The following DOCK4 variants were observed in gnomAD, a reference collection of about 807,000 sequenced individuals.
DOCK4 encodes dedicator of cytokinesis protein 4.
DOCK4 carries 97 observed loss-of-function variants against 268.1 expected under a neutral mutation model. The observed-to-expected ratio is 0.36, with a 90% CI of 0.31 to 0.43. The LOEUF is 0.43. Ranked by LOEUF, DOCK4 falls within the 20% of genes least tolerant of loss-of-function variation. DOCK4 has a pLI of 1.00. For synonymous variants in DOCK4, 954 were observed against 887.2 expected, an observed-to-expected ratio of 1.08 and a Z score of -1.34; for missense variants, 2,145 against 2,455.7, an observed-to-expected ratio of 0.87 and a Z score of 2.67.
chr7:112,165,549 TGTGTGTGTGTGC>T (rs1235002136), intron 1 of DOCK4, among the ~76,000 whole-genome samples: 1 of 113,900 alleles, frequency 8.8e-6, no homozygotes, highest in African/African-American at 3.6e-5. Flanking sequence ...TGTGTGTGTG[TGTGTGTGTGTGC>T]GTGTGTGTGT....
intron 1 of DOCK4, among the ~76,000 whole-genome samples, chr7:112,086,657 G>A (rs568426056): frequency 6.6e-5 from 10 of 152,170 alleles, no homozygotes; most frequent in Non-Finnish European, 1.2e-4. Context: ...GGTAACAGAG[G>A]CAATTTCCAA....
rs139773399 is a variant in DOCK4, at chr7:112,002,274, T to C, written c.122-1740A>G. Among the ~76,000 whole-genome samples the C allele has an allele frequency of 2.7e-3, 417 of 152,208 alleles. 3 individuals carry two copies. Among genetic ancestry groups the C allele is most frequent in the African/African-American group, 9.8e-3 (406 of 41,546 alleles). On this transcript the variant is annotated intron_variant, in intron 2 of 52. Transcript: ENST00000428084. ...CATAAAGACAGATCCAAGAAATACA[T>C]CCATTTGTAAATAATTATTCTAACA... is the stretch of plus-strand genomic sequence containing the variant.
chr7:111,728,022 G>A lies in DOCK4; in HGVS notation c.*252C>T, dbSNP rs1394351142. 2.6e-6 allele frequency: 1 copy of A among 385,988 alleles called. No homozygotes were observed. The highest frequency in any genetic ancestry group is 4.4e-5 in the Admixed American group (1 of 22,642). The allele number at this position is 385,988 out of a possible 1,614,324, so 23.9% of individuals were successfully genotyped here. A position where few individuals can be genotyped will look rare whatever the true frequency, so the allele number is the denominator to read the frequency against. ...GTGAACATAAAAAGGTACAAAAGGA[G>A]TCTTTATCACTATTTACCACTTCCA... On this transcript the variant is annotated 3_prime_UTR_variant, in exon 53 of 53. Transcript: ENST00000428084.
intron 1 of DOCK4, among the ~76,000 whole-genome samples, chr7:112,110,841 C>T (rs926271183): frequency 2.0e-5 from 3 of 152,182 alleles, no homozygotes; most frequent in African/African-American, 7.2e-5. Flanking sequence ...TTACATGCTG[C>T]AGGAGGAGGC....
At chr7:111,969,285 T>C (rs868329667) in intron 8 of DOCK4, among the ~76,000 whole-genome samples, 80 of 151,814 alleles carry the variant, frequency 5.3e-4, no homozygotes, top group African/African-American at 1.8e-3. Context: ...TCTATTCTTA[T>C]GGCTCCAGCT....
At chr7:112,049,181 T>TTAAAAGTC (rs1805128975) in intron 1 of DOCK4, among the ~76,000 whole-genome samples, 1 of 152,166 alleles carries the variant, frequency 6.6e-6, no homozygotes, top group Non-Finnish European at 1.5e-5. Context: ...TTGACTGTTC[T>TTAAAAGTC]AACAAAAATA....
intron 49 of DOCK4, among the ~76,000 whole-genome samples, chr7:111,737,423 C>T (rs539678248): frequency 3.3e-5 from 5 of 152,118 alleles, no homozygotes; most frequent in African/African-American, 1.2e-4. Context: ...GCCACCACAC[C>T]TGGCCTGTGT....
chr7:111,743,135 C>G (rs1476708754), intron 44 of DOCK4, among the ~76,000 whole-genome samples: 1 of 152,206 alleles, frequency 6.6e-6, no homozygotes, highest in African/African-American at 2.4e-5. Flanking sequence ...ATTCAACCTT[C>G]CTTTGTGCAA....
intron 34 of DOCK4, among the ~76,000 whole-genome samples, chr7:111,783,494 C>T (rs1348568520): frequency 1.3e-5 from 2 of 152,018 alleles, no homozygotes; most frequent in Non-Finnish European, 2.9e-5. Flanking sequence ...TACAATTCTC[C>T]ATTACATTGT....
In DOCK4 at chr7:111,864,465, A is replaced by C. The variant is rs539223706; in HGVS notation, c.2281-901T>G. Among the ~76,000 whole-genome samples, 3 of 152,304 alleles carry C rather than the reference A, an allele frequency of 2.0e-5. No homozygotes were observed. The East Asian group carries it at 5.8e-4, about 29-fold the overall frequency. ...ACGAGTTTCTAACATGCTAAAATTC[A>C]AGTGCTAGTTGGCGTACCAATGAGA... On this transcript the variant is annotated intron_variant, in intron 22 of 52. Coordinates refer to ENST00000428084, the MANE Select transcript of DOCK4 (RefSeq NM_001363540.2).
chr7:112,015,536 G>C (rs375969119), intron 1 of DOCK4, among the ~76,000 whole-genome samples: 19 of 152,096 alleles, frequency 1.2e-4, no homozygotes, highest in African/African-American at 4.6e-4. Flanking sequence ...TGAGATCCAA[G>C]AACCCTCTCT....
In DOCK4 at chr7:112,045,227, CA is replaced by C. The variant is rs112324118; in HGVS notation, c.38-41097del. Among the ~76,000 whole-genome samples the C allele has an allele frequency of 6.5e-3, 984 of 152,270 alleles. 9 individuals carry two copies. Among genetic ancestry groups the C allele is most frequent in the African/African-American group, 0.023 (941 of 41,546 alleles). On this transcript the variant is annotated intron_variant, in intron 1 of 52. Transcript: ENST00000428084. ...TTTTTATATCTGCCTCTGTTTAGAA[CA>C]CTTTCCCCCAGATATTTGAGTGACT...
intron 30 of DOCK4, among the ~76,000 whole-genome samples, chr7:111,797,304 T>C (rs1405361379): frequency 6.6e-6 from 1 of 152,048 alleles, no homozygotes; most frequent in Non-Finnish European, 1.5e-5. Flanking sequence ...CATCTAAAAA[T>C]CCCCCTTATT....
At chr7:112,177,867 T>C (rs558309097) in intron 1 of DOCK4, among the ~76,000 whole-genome samples, 81 of 152,324 alleles carry the variant, frequency 5.3e-4, no homozygotes, top group Non-Finnish European at 6.5e-4. Flanking sequence ...GCAGAAAGGC[T>C]GTTCTTCTTT....
chr7:111,969,520 A>G (rs1474403613), intron 8 of DOCK4, among the ~76,000 whole-genome samples: 1 of 152,156 alleles, frequency 6.6e-6, no homozygotes, highest in East Asian at 1.9e-4. Flanking sequence ...GAAACTGTCT[A>G]GAGACTAAGT....
intron 8 of DOCK4, among the ~76,000 whole-genome samples, chr7:111,974,776 A>G (rs147704256): frequency 3.7e-4 from 57 of 152,218 alleles, no homozygotes; most frequent in Middle Eastern, 3.4e-3. Flanking sequence ...CCGGGTTATT[A>G]TCTTACTTTT....
At chr7:111,868,873 A>G (rs1286235102) in intron 21 of DOCK4, among the ~76,000 whole-genome samples, 2 of 152,212 alleles carry the variant, frequency 1.3e-5, no homozygotes, top group Non-Finnish European at 2.9e-5. Flanking sequence ...TTAGCATTTT[A>G]CCTTCAATCA....
intron 1 of DOCK4, among the ~76,000 whole-genome samples, chr7:112,134,893 A>C (rs1814174499): frequency 6.6e-6 from 1 of 152,142 alleles, no homozygotes; most frequent in East Asian, 1.9e-4. Context: ...CTCAGAATAA[A>C]AATAATACAT....
At chr7:112,035,096 C>T (rs772541820) in intron 1 of DOCK4, among the ~76,000 whole-genome samples, 2 of 152,146 alleles carry the variant, frequency 1.3e-5, no homozygotes, top group Non-Finnish European at 2.9e-5. Flanking sequence ...CAGCTGAGTT[C>T]TCCCTACCCT....
Sources: allele counts gnomAD v4.1 joint callset (sites outside exome capture counted in the v4.1 genomes callset), GRCh38; gene constraint gnomAD v4.1.1; transcripts MANE v1.5; gene names NCBI Gene and HGNC (gene_info 2026-07-23, HGNC 2026-07-21).